SMG5: variants seen among roughly 807,000 people sequenced by gnomAD.
SMG5 encodes nonsense-mediated mRNA decay factor SMG5.
SMG5 carries 53 observed loss-of-function variants against 122.9 expected under a neutral mutation model. That is an observed-to-expected ratio of 0.43 (90% CI 0.35 to 0.54). SMG5 has a LOEUF of 0.54. Ranked by LOEUF, SMG5 falls within the 20% of genes least tolerant of loss-of-function variation. The probability of loss-of-function intolerance (pLI) is 0.01; values close to 1 mark genes in which losing one functional copy is unlikely to be tolerated. For missense variants in SMG5, 1,153 were observed against 1,285.6 expected (o/e 0.90, Z 1.58); for synonymous variants, 477 against 490.2 (o/e 0.97, Z 0.35).
At chr1:156,265,223 T>TA (rs562516659) in intron 12 of SMG5, among the ~76,000 whole-genome samples, 33,909 of 135,422 alleles carry the variant, frequency 0.25, 4,400 homozygotes, top group Non-Finnish European at 0.31. Flanking sequence ...ACCCTGTCTT[T>TA]AAAAAAAAAA....
At chr1:156,277,574 G>T (rs946389088) in intron 3 of SMG5, among the ~76,000 whole-genome samples, 1 of 148,122 alleles carries the variant, frequency 6.8e-6, no homozygotes, top group African/African-American at 2.5e-5. Flanking sequence ...GTACAATGGC[G>T]CGATCTCAGC....
the SMG5 span, chr1:156,291,498 T>C: frequency 6.2e-7 from 1 of 1,612,820 alleles, no homozygotes; most frequent in African/African-American, 1.3e-5. Context: ...TACATGTTCG[T>C]GGTGGAGCCG....
intron 7 of SMG5, among the ~76,000 whole-genome samples, chr1:156,270,018 C>T (rs1368211523): frequency 7.9e-5 from 12 of 152,134 alleles, no homozygotes; most frequent in African/African-American, 1.9e-4. Context: ...CCAGCCTAGG[C>T]GACAGAGCAA....
intron 4 of SMG5, among the ~76,000 whole-genome samples, chr1:156,275,131 T>TAAAAAAAAAAA (rs760480249): frequency 5.8e-5 from 5 of 86,782 alleles, no homozygotes; most frequent in East Asian, 6.6e-4. Flanking sequence ...TGACGCCAAT[T>TAAAAAAAAAAA]AAAAAAAAAA....
chr1:156,290,090 A>G, the SMG5 span: 1 of 152,220 alleles, frequency 6.6e-6, no homozygotes, highest in African/African-American at 2.4e-5. Flanking sequence ...CACTGCAGCT[A>G]TAAAAGAATG....
chr1:156,291,244 ACTTTGGCT>A, the SMG5 span: 1 of 674,602 alleles, frequency 1.5e-6, no homozygotes, highest in South Asian at 1.7e-5. Context: ...AAGTGCATAA[ACTTTGGCT>A]GTATTTGGAA....
chr1:156,267,004 C>T (rs1662183724), intron 10 of SMG5, among the ~76,000 whole-genome samples: 1 of 152,058 alleles, frequency 6.6e-6, no homozygotes, highest in Non-Finnish European at 1.5e-5. Flanking sequence ...TAAGCATATC[C>T]TTTTGTCCCA....
At chr1:156,291,387 T>G in the SMG5 span, 1 of 1,613,990 alleles carries the variant, frequency 6.2e-7, no homozygotes, top group African/African-American at 1.3e-5. Flanking sequence ...CCCCATAGGC[T>G]GATCTACTGG....
At chr1:156,286,384 C>A (rs759375927), upstream of SMG5, 89 of 1,614,066 alleles carry the variant, frequency 5.5e-5, no homozygotes, top group Non-Finnish European at 7.3e-5. Flanking sequence ...TTATTCTCTA[C>A]TTCTTCAACC....
chr1:156,256,850 A>G (rs2103211782), intron 16 of SMG5, among the ~76,000 whole-genome samples: 1 of 152,112 alleles, frequency 6.6e-6, no homozygotes, highest in East Asian at 1.9e-4. Flanking sequence ...CCAACTCCAG[A>G]GCCCTGGCTC....
chr1:156,273,182 T>A (rs1412256921), intron 6 of SMG5, among the ~76,000 whole-genome samples, 179 bp downstream of exon 6: 1 of 152,178 alleles, frequency 6.6e-6, no homozygotes, highest in Non-Finnish European at 1.5e-5. Flanking sequence ...TATCTTCCCC[T>A]TCCACCATTT....
intron 4 of SMG5, among the ~76,000 whole-genome samples, chr1:156,275,853 G>GC (rs1379703180): frequency 7.2e-6 from 1 of 139,356 alleles, no homozygotes; most frequent in Non-Finnish European, 1.5e-5. Flanking sequence ...TTGCTGTATT[G>GC]CCCCGGCTGG....
At chr1:156,255,159 C>G (rs941031584) in intron 16 of SMG5, among the ~76,000 whole-genome samples, 1 of 150,950 alleles carries the variant, frequency 6.6e-6, no homozygotes. Flanking sequence ...CAGTGGTTCA[C>G]GCCTGTAATC....
intron 16 of SMG5, among the ~76,000 whole-genome samples, chr1:156,258,107 A>G (rs1661661246): frequency 6.6e-6 from 1 of 152,220 alleles, no homozygotes; most frequent in Non-Finnish European, 1.5e-5. Context: ...ACTGGATGGA[A>G]AAGAGGTACC....
chr1:156,290,789 A>G, the SMG5 span: 1 of 151,828 alleles, frequency 6.6e-6, no homozygotes, highest in African/African-American at 2.4e-5. Context: ...AGATCGCACC[A>G]CTGCACTCCA....
Position 156,251,007 on chromosome 1 carries a change from G to C in SMG5, c.2829-11C>G, listed in dbSNP as rs775287828. 1.2e-6 allele frequency: 2 copies of C among 1,611,660 alleles called. No homozygotes were observed. The highest frequency in any genetic ancestry group is 1.1e-5 in the South Asian group (1 of 91,058). On this transcript the variant is annotated splice_polypyrimidine_tract_variant and intron_variant, in intron 20 of 21. Transcript: ENST00000361813. ...ATCTTATAGAGAGTCCTGGGGATGG[G>C]GGGCAGAGGGGAAGATGGGCCAAGA...
At chr1:156,263,158 G>A (rs1381874803) in intron 13 of SMG5, among the ~76,000 whole-genome samples, 1 of 152,206 alleles carries the variant, frequency 6.6e-6, no homozygotes, top group Non-Finnish European at 1.5e-5. Context: ...CAGCATTGGG[G>A]ATACAAAGCA....
At chr1:156,286,709 T>C (rs557162862), upstream of SMG5, among the ~76,000 whole-genome samples, 3 of 152,340 alleles carry the variant, frequency 2.0e-5, no homozygotes, top group South Asian at 6.2e-4. Flanking sequence ...TCAGGTGTCA[T>C]CTAGATCAAT....
the SMG5 span, chr1:156,291,424 C>A: frequency 6.2e-7 from 1 of 1,614,012 alleles, no homozygotes; most frequent in Non-Finnish European, 8.5e-7. Context: ...GCCGCTCCTT[C>A]CGAGGCTTCG....
Sources: allele counts gnomAD v4.1 joint callset (sites outside exome capture counted in the v4.1 genomes callset), GRCh38; gene constraint gnomAD v4.1.1; transcripts MANE v1.5; gene names NCBI Gene and HGNC (gene_info 2026-07-23, HGNC 2026-07-21).